NKAIN3: variants seen among roughly 807,000 people sequenced by gnomAD.
NKAIN3 encodes the protein sodium/potassium-transporting ATPase subunit beta-1-interacting protein 3.
Under a neutral mutation model 30.2 loss-of-function variants are expected in NKAIN3, and 25 were observed. That is an observed-to-expected ratio of 0.83 (90% CI 0.60 to 1.16). The LOEUF (loss-of-function observed/expected upper bound fraction) is 1.16. NKAIN3 is among the 50% of genes most tolerant of loss of function. The probability of loss-of-function intolerance (pLI) is 0.00; values close to 1 mark genes in which losing one functional copy is unlikely to be tolerated. For synonymous variants in NKAIN3, 91 were observed against 89.6 expected (o/e 1.02, Z -0.09); for missense variants, 225 against 254.1 (o/e 0.89, Z 0.78).
At chr8:62,465,866 T>C (rs1806146696) in intron 1 of NKAIN3, among the ~76,000 whole-genome samples, 1 of 151,780 alleles carries the variant, frequency 6.6e-6, no homozygotes. Flanking sequence ...CTACTAAAAA[T>C]ACAAAAATTA....
At chr8:62,827,582 CTG>C (rs1819065442) in intron 4 of NKAIN3, among the ~76,000 whole-genome samples, 2 of 152,132 alleles carry the variant, frequency 1.3e-5, no homozygotes, top group South Asian at 4.1e-4. Context: ...GGCAGATGAC[CTG>C]TGTGTCTCTC....
chr8:62,353,678 T>C (rs539729289), intron 1 of NKAIN3, among the ~76,000 whole-genome samples: 2 of 152,304 alleles, frequency 1.3e-5, no homozygotes, highest in Admixed American at 6.5e-5. Flanking sequence ...TCCTGGCACA[T>C]AGTAGGAACT....
At position 62,973,305 on chromosome 8, in the gene NKAIN3, C is replaced by G. The variant is rs900305206; in HGVS notation, c.*7898C>G. Among the ~76,000 whole-genome samples the G allele has an allele frequency of 1.3e-5, 2 of 152,194 alleles. No homozygotes were observed. Among genetic ancestry groups the G allele is most frequent in the Non-Finnish European group, 2.9e-5 (2 of 68,038 alleles). ...CCCACCAACAGTGTTAAAAGCATTC[C>G]TATTTCTCCACATCCTCTCCAGCCT... On this transcript the variant is annotated 3_prime_UTR_variant, in exon 7 of 7. Transcript: ENST00000623646.
At chr8:62,939,016 G>A (rs1397279693) in intron 5 of NKAIN3, among the ~76,000 whole-genome samples, 1 of 152,154 alleles carries the variant, frequency 6.6e-6, no homozygotes, top group Non-Finnish European at 1.5e-5. Context: ...ACTGGATATG[G>A]ATGGAAAAAT....
intron 1 of NKAIN3, among the ~76,000 whole-genome samples, chr8:62,281,470 G>T (rs946017510): frequency 9.2e-5 from 14 of 151,888 alleles, no homozygotes; most frequent in African/African-American, 2.7e-4. Context: ...GTGATGTTAG[G>T]GTGTCAATTT....
intron 2 of NKAIN3, among the ~76,000 whole-genome samples, chr8:62,580,811 C>T (rs1368525354): frequency 6.6e-6 from 1 of 151,780 alleles, no homozygotes; most frequent in Non-Finnish European, 1.5e-5. Flanking sequence ...ATAGCCTCAA[C>T]CAGGTACGGT....
intron 1 of NKAIN3, among the ~76,000 whole-genome samples, chr8:62,517,769 G>A (rs540435443): frequency 6.6e-6 from 1 of 152,216 alleles, no homozygotes; most frequent in African/African-American, 2.4e-5. Flanking sequence ...GTTCTGTCAG[G>A]ACCATCGATT....
intron 1 of NKAIN3, among the ~76,000 whole-genome samples, chr8:62,383,901 T>C (rs1817350664): frequency 6.7e-6 from 1 of 148,248 alleles, no homozygotes; most frequent in African/African-American, 2.5e-5. Flanking sequence ...TTTTCCACAG[T>C]AGACCTTGGG....
chr8:62,728,494 C>A (rs1408161819), intron 3 of NKAIN3, among the ~76,000 whole-genome samples: 1 of 144,224 alleles, frequency 6.9e-6, no homozygotes, highest in Non-Finnish European at 1.5e-5. Flanking sequence ...GAAACCCAGT[C>A]TCTACTAAAA....
chr8:62,271,016 A>G (rs1812761768), intron 1 of NKAIN3, among the ~76,000 whole-genome samples: 1 of 152,244 alleles, frequency 6.6e-6, no homozygotes, highest in South Asian at 2.1e-4. Flanking sequence ...TCATAAGAAC[A>G]TACATATTCA....
At chr8:62,886,330 C>T (rs887687761) in intron 4 of NKAIN3, among the ~76,000 whole-genome samples, 1 of 151,936 alleles carries the variant, frequency 6.6e-6, no homozygotes, top group Non-Finnish European at 1.5e-5. Context: ...TTATTTTACT[C>T]ATACAGAAGC....
chr8:62,593,856 G>A (rs1400212283), intron 3 of NKAIN3, among the ~76,000 whole-genome samples: 1 of 151,976 alleles, frequency 6.6e-6, no homozygotes, highest in Non-Finnish European at 1.5e-5. Flanking sequence ...AATAGTTAAA[G>A]TTTAGTCTTC....
Position 62,968,565 on chromosome 8 carries a change from A to T in NKAIN3, c.*3158A>T, listed in dbSNP as rs1823762580. On this transcript the variant is annotated 3_prime_UTR_variant, in exon 7 of 7. Coordinates refer to ENST00000623646, the MANE Select transcript of NKAIN3 (RefSeq NM_001304533.3). The stretch of plus-strand genomic sequence containing the variant: ...ATCTTAAGAGATGGTGCAGCTCTAG[A>T]TTCAATAGCTCTCCTCAGAAGTGGC... Among the ~76,000 whole-genome samples the T allele has an allele frequency of 6.6e-6, 1 of 152,208 alleles. No individual in the cohort carries two copies. Among genetic ancestry groups the T allele is most frequent in the Non-Finnish European group, 1.5e-5 (1 of 68,042 alleles).
Position 62,970,234 on chromosome 8 carries a change from G to A in NKAIN3, c.*4827G>A, listed in dbSNP as rs963010194. 6.6e-6 allele frequency among the ~76,000 whole-genome samples: 1 copy of A among 151,956 alleles called. No individual in the cohort carries two copies. The highest frequency in any genetic ancestry group is 1.5e-5 in the Non-Finnish European group (1 of 67,962). On this transcript the variant is annotated 3_prime_UTR_variant, in exon 7 of 7. Coordinates refer to ENST00000623646, the MANE Select transcript of NKAIN3 (RefSeq NM_001304533.3). ...AAGCCTGTCTCTAAAAAGAGAGAGA[G>A]ATAAGTAGATATGTTTTAATTATTA...
intron 1 of NKAIN3, among the ~76,000 whole-genome samples, chr8:62,537,670 A>T (rs967429744): frequency 9.3e-5 from 14 of 151,118 alleles, no homozygotes; most frequent in Admixed American, 7.3e-4. Flanking sequence ...TTATTCAACA[A>T]CTCTCAATTA....
At chr8:62,875,807 C>T (rs1820778397) in intron 4 of NKAIN3, among the ~76,000 whole-genome samples, 1 of 152,158 alleles carries the variant, frequency 6.6e-6, no homozygotes, top group Admixed American at 6.5e-5. Context: ...CCATCCCTTA[C>T]ATCTTATACA....
intron 1 of NKAIN3, among the ~76,000 whole-genome samples, chr8:62,292,056 A>C (rs1157231493): frequency 6.6e-6 from 1 of 151,298 alleles, no homozygotes; most frequent in African/African-American, 2.4e-5. Flanking sequence ...CTAGGATTAC[A>C]ACCCCTGCTT....
At chr8:62,941,306 C>A (rs1477184757) in intron 5 of NKAIN3, among the ~76,000 whole-genome samples, 1 of 152,036 alleles carries the variant, frequency 6.6e-6, no homozygotes, top group East Asian at 1.9e-4. Context: ...GGATTCATAG[C>A]TGAATTCTAT....
At chr8:62,367,762 A>C (rs1563367524) in intron 1 of NKAIN3, among the ~76,000 whole-genome samples, 2 of 152,164 alleles carry the variant, frequency 1.3e-5, no homozygotes, top group Non-Finnish European at 2.9e-5. Flanking sequence ...AGAGAGAGAA[A>C]TAAAAGACCT....
Sources: allele counts gnomAD v4.1 joint callset (sites outside exome capture counted in the v4.1 genomes callset), GRCh38; gene constraint gnomAD v4.1.1; transcripts MANE v1.5; gene names NCBI Gene and HGNC (gene_info 2026-07-23, HGNC 2026-07-21).